TCHP: variants seen among roughly 807,000 people sequenced by gnomAD.
TCHP encodes the protein trichoplein keratin filament binding, also known as trichoplein keratin filament-binding protein.
A neutral mutation model predicts 88.7 loss-of-function variants in TCHP; 81 were observed. The ratio of observed to expected loss-of-function variants is 0.91; its 90% CI spans 0.76 to 1.10. The LOEUF is 1.10. Ranked by LOEUF, TCHP falls within the 50% of genes least tolerant of loss-of-function variation. The pLI is 0.00. For synonymous variants in TCHP, 232 were observed against 232.5 expected, an observed-to-expected ratio of 1.00 and a Z score of 0.02; for missense variants, 641 against 632.1, an observed-to-expected ratio of 1.01 and a Z score of -0.15.
chr12:109,894,467 A>C, the TCHP span, among the ~76,000 whole-genome samples: 2 of 140,584 alleles, frequency 1.4e-5, no homozygotes, highest in Non-Finnish European at 3.0e-5. Context: ...CGTCTCAAAA[A>C]AAAAAAAGAA....
Position 109,915,216 on chromosome 12 carries a change from A to G in TCHP, c.1321-187A>G, listed in dbSNP as rs1592915800. On this transcript the variant is annotated intron_variant, in intron 11 of 12. Coordinates refer to ENST00000405876, the MANE Select transcript of TCHP (RefSeq NM_001143852.2). ...CATACAGCCTCTCCAGCTTTCTATG[A>G]GGTACACACCATGCATACAGCCTTT... is the stretch of plus-strand genomic sequence containing the variant. The G allele has an allele frequency of 4.1e-6, 3 of 726,266 alleles. No individual in the cohort carries two copies. The East Asian group carries it at 7.7e-5, about 19-fold the overall frequency. 45.0% of individuals were successfully genotyped at this position (726,266 alleles called of 1,614,324 possible). A position where few individuals can be genotyped will look rare whatever the true frequency, so the allele number is the denominator to read the frequency against.
rs754039840 is a variant in TCHP, at chr12:109,903,242, T to C, written c.188+28T>C. The C allele has an allele frequency of 2.5e-6, 4 of 1,589,880 alleles. No individual in the cohort carries two copies. The South Asian group carries it at 4.5e-5, about 18-fold the overall frequency. On this transcript the variant is annotated intron_variant, in intron 2 of 12. Transcript: ENST00000405876. The surrounding 1 kb of genome is among the most constrained non-coding windows in gnomAD (Gnocchi z 4.6). ...AATTGTGCGGTAACTGCCGATTGGA[T>C]GGAAGTGGGGACCACTTGCTGGTCA...
chr12:109,915,263 C>A, intron 11 of TCHP, 140 bp from the exon 12 acceptor site: 1 of 1,155,228 alleles, frequency 8.7e-7, no homozygotes. Flanking sequence ...TGCTCCCTTC[C>A]GTTCCTTGGC....
upstream of TCHP, among the ~76,000 whole-genome samples, chr12:109,899,264 A>T: frequency 6.6e-6 from 1 of 152,250 alleles, no homozygotes. Context: ...AATAGTTGGC[A>T]TGTAATACTT....
the TCHP span, among the ~76,000 whole-genome samples, chr12:109,891,795 T>C: frequency 6.6e-6 from 1 of 151,320 alleles, no homozygotes; most frequent in Non-Finnish European, 1.5e-5. Flanking sequence ...CTGAAAACTC[T>C]GCCTCTCAGG....
Position 109,908,667 on chromosome 12 carries a change from A to G in TCHP, c.781A>G (p.Met261Val), listed in dbSNP as rs142436521. Residue 261 changes from methionine (M) to valine (V), a missense_variant, in exon 7 of 13, where the codon ATG (methionine) becomes GTG (valine). By Grantham distance (21) the Met-to-Val change is conservative. Coordinates refer to ENST00000405876, the MANE Select transcript of TCHP (RefSeq NM_001143852.2). ...GAGGCTGGAGGAAGAGCGAAAGCAG[A>G]TGGAAGCCTTCCGGCAGAAGGCAGA... ...LERLEEERKQ[M>V]EAFRQKAELG... The G allele has an allele frequency of 4.4e-6, 7 of 1,599,524 alleles. No individual in the cohort carries two copies. The East Asian group carries it at 1.4e-4, about 31-fold the overall frequency.
In TCHP at chr12:109,904,938, C is replaced by T. The variant is rs1870045634; in HGVS notation, c.456+145C>T. 25 of 668,244 alleles carry T rather than the reference C, an allele frequency of 3.7e-5. No homozygotes were observed. The South Asian group carries it at 4.7e-4, about 13-fold the overall frequency. The allele number at this position is 668,244 out of a possible 1,614,324, so 41.4% of individuals were successfully genotyped here. On this transcript the variant is annotated intron_variant, in intron 4 of 12. Coordinates refer to ENST00000405876, the MANE Select transcript of TCHP (RefSeq NM_001143852.2). ...CTGAAAAGAGCGCCAGGCAGAAGATCTGGCACAGGCTGCGCTGAGCGGCTC... is the reference window on the plus strand; with the variant it reads ...CTGAAAAGAGCGCCAGGCAGAAGATTTGGCACAGGCTGCGCTGAGCGGCTC...
the TCHP span, among the ~76,000 whole-genome samples, chr12:109,883,727 T>A: frequency 6.6e-6 from 1 of 152,114 alleles, no homozygotes; most frequent in African/African-American, 2.4e-5. Context: ...CACTTTCCAT[T>A]CCAAACAAAC....
intron 8 of TCHP, among the ~76,000 whole-genome samples, chr12:109,910,007 T>G (rs1189368043): frequency 2.0e-5 from 3 of 151,778 alleles, no homozygotes; most frequent in Non-Finnish European, 4.4e-5. Flanking sequence ...GGCATGGTGG[T>G]GCACACCTGT....
At position 109,913,027 on chromosome 12, in the gene TCHP, A is replaced by G. The variant is rs1870597432; in HGVS notation, c.1089A>G (p.Ala363=). The change falls in exon 10 of 13, where the codon GCA becomes GCG. Residue 363 remains alanine (A), a synonymous_variant. Coordinates refer to ENST00000405876, the MANE Select transcript of TCHP (RefSeq NM_001143852.2). The stretch of plus-strand genomic sequence containing the variant: ...AGGAGATGTGGGAAAAGAGAGAGGC[A>G]GAGTGGGCCCGAGAGCGCAGCGCAC... The part of the protein sequence containing the change: ...EAKEMWEKRE[A]EWARERSARD... The G allele has an allele frequency of 1.2e-6, 2 of 1,613,994 alleles. No homozygotes were observed. Among genetic ancestry groups the G allele is most frequent in the Non-Finnish European group, 1.7e-6 (2 of 1,180,012 alleles).
In TCHP at chr12:109,918,019, C is replaced by A. The variant is rs1870911762; in HGVS notation, c.*1396C>A. The A allele has an allele frequency of 6.6e-6, 1 of 152,224 alleles. No individual in the cohort carries two copies. Among genetic ancestry groups the A allele is most frequent in the Admixed American group, 6.5e-5 (1 of 15,288 alleles). 9.4% of individuals were successfully genotyped at this position (152,224 alleles called of 1,614,324 possible). A position where few individuals can be genotyped will look rare whatever the true frequency, so the allele number is the denominator to read the frequency against. ...CATCACGCATGCTCTCTGTTGCGTT[C>A]CCCATTTCAGATGTCCAGTAATGGT... On this transcript the variant is annotated 3_prime_UTR_variant, in exon 13 of 13. Transcript: ENST00000405876.
intron 6 of TCHP, among the ~76,000 whole-genome samples, 157 bp downstream of exon 6, chr12:109,907,856 C>G (rs1442250996): frequency 6.6e-6 from 1 of 152,272 alleles, no homozygotes; most frequent in Non-Finnish European, 1.5e-5. Context: ...GCATCCCCAT[C>G]TGCCTTGTGC....
chr12:109,889,862 C>T, the TCHP span, among the ~76,000 whole-genome samples: 2 of 152,302 alleles, frequency 1.3e-5, no homozygotes, highest in African/African-American at 2.4e-5. Flanking sequence ...GCCAAATGGG[C>T]TTTGTTGAGC....
At chr12:109,883,177 G>A in the TCHP span, among the ~76,000 whole-genome samples, 2 of 150,404 alleles carry the variant, frequency 1.3e-5, no homozygotes, top group African/African-American at 4.9e-5. Flanking sequence ...GGGACTACAG[G>A]AACATGCCAA....
Position 109,906,653 on chromosome 12 carries a change from G to T in TCHP, c.525+13G>T, listed in dbSNP as rs115143150. On this transcript the variant is annotated intron_variant, in intron 5 of 12. Transcript: ENST00000405876. ...AGAAAAAAAACAGGTGTGGTATGTG[G>T]CTCTGGGAATAGCCGCGTATTCTGC... is the stretch of plus-strand genomic sequence containing the variant. 6.2e-7 allele frequency: 1 copy of T among 1,602,386 alleles called. No individual in the cohort carries two copies.
chr12:109,913,115 G>A (rs1162537504), intron 10 of TCHP, 43 bp downstream of exon 10: 1 of 1,596,422 alleles, frequency 6.3e-7, no homozygotes, highest in South Asian at 1.1e-5. Flanking sequence ...TTGGGTCTTG[G>A]GCAGGTGTCT....
At position 109,908,914 on chromosome 12, in the gene TCHP, A is replaced by G. The variant is rs747858950; in HGVS notation, c.856A>G (p.Thr286Ala). ...GTATAACGCTCAACTCAGCAGACGC[A>G]CACAGCAGATCCAAGAGGAGCTGGT... Reference protein sequence around the residue: ...HQYNAQLSRRTQQIQEELEAD... With the variant: ...HQYNAQLSRRAQQIQEELEAD... The change falls in exon 8 of 13, where the codon ACA becomes GCA. Residue 286 changes from threonine to alanine, a missense_variant. Transcript: ENST00000405876. The G allele has an allele frequency of 6.2e-7, 1 of 1,614,244 alleles. No homozygotes were observed. Among genetic ancestry groups the G allele is most frequent in the Non-Finnish European group, 8.5e-7 (1 of 1,180,048 alleles).
At chr12:109,907,881 C>T (rs1382166945) in intron 6 of TCHP, among the ~76,000 whole-genome samples, 182 bp downstream of exon 6, 2 of 152,246 alleles carry the variant, frequency 1.3e-5, no homozygotes, top group Non-Finnish European at 2.9e-5. Flanking sequence ...CCATCCTCCT[C>T]GTTTGCGTGC....
chr12:109,904,875 T>C lies in TCHP; in HGVS notation c.456+82T>C. 5 of 1,311,030 alleles carry C rather than the reference T, an allele frequency of 3.8e-6. No individual in the cohort carries two copies. In the South Asian group the frequency reaches 3.9e-5, roughly 10 times the overall value. 81.2% of individuals were successfully genotyped at this position (1,311,030 alleles called of 1,614,324 possible). On this transcript the variant is annotated intron_variant, in intron 4 of 12. Transcript: ENST00000405876. Reference sequence around the variant, plus strand: ...CACTTTTTTTTTTGAACACGTATCTTGTACCGGGTTGAAACAGAGGAGGGA... The same window carrying C: ...CACTTTTTTTTTTGAACACGTATCTCGTACCGGGTTGAAACAGAGGAGGGA...
Sources: gnomAD v4.1 joint callset for allele counts (sites outside exome capture counted in the v4.1 genomes callset) on GRCh38, gnomAD v4.1.1 for gene constraint, Gnocchi (gnomAD v3.1) non-coding constraint, MANE v1.5 for transcripts, NCBI Gene and HGNC (gene_info 2026-07-23, HGNC 2026-07-21) for gene names.